The following ACSM3 variants were observed in gnomAD, a reference collection of about 807,000 sequenced individuals.
ACSM3 encodes the protein acyl-coenzyme A synthetase ACSM3, mitochondrial.
ACSM3 carries 61 observed loss-of-function variants against 74.1 expected under a neutral mutation model. That is an observed-to-expected ratio of 0.82 (90% CI 0.67 to 1.02). ACSM3 has a LOEUF of 1.02. Ranked by LOEUF, ACSM3 falls within the 50% of genes least tolerant of loss-of-function variation. The probability of loss-of-function intolerance (pLI) is 0.00; values close to 1 mark genes in which losing one functional copy is unlikely to be tolerated. For synonymous variants in ACSM3, 213 were observed against 241.5 expected (o/e 0.88, Z 1.09); for missense variants, 660 against 697.0 (o/e 0.95, Z 0.60).
intron 1 of ACSM3, among the ~76,000 whole-genome samples, chr16:20,694,778 A>T (rs1422396455): frequency 6.6e-6 from 1 of 152,176 alleles, no homozygotes; most frequent in African/African-American, 2.4e-5. Flanking sequence ...GTATTTGGAG[A>T]TTGGGTCTTT....
chr16:20,796,323 T>C lies in ACSM3; in HGVS notation c.1555-47T>C, dbSNP rs1350227086. ...CAAGCAAACAAGACATACTAAAACA[T>C]ACAAATGCATAACTCATTTTCCTGG... On this transcript the variant is annotated intron_variant, in intron 12 of 13. Transcript: ENST00000289416. 7 of 1,595,170 alleles carry C rather than the reference T, an allele frequency of 4.4e-6. No individual in the cohort carries two copies. In the African/African-American group the frequency reaches 8.2e-5, roughly 19 times the overall value.
At chr16:20,753,069 TATAG>T (rs952443154) in intron 2 of ACSM3, among the ~76,000 whole-genome samples, 6 of 152,008 alleles carry the variant, frequency 3.9e-5, no homozygotes, top group Non-Finnish European at 8.8e-5. Flanking sequence ...AGATGGAATT[TATAG>T]ATTAAAAACT....
At chr16:20,708,453 A>T (rs2079733952) in intron 1 of ACSM3, among the ~76,000 whole-genome samples, 1 of 152,238 alleles carries the variant, frequency 6.6e-6, no homozygotes, top group South Asian at 2.1e-4. Flanking sequence ...CACAAAACCA[A>T]CGTACAAAAA....
intron 2 of ACSM3, among the ~76,000 whole-genome samples, chr16:20,771,726 A>G (rs938109331): frequency 6.6e-6 from 1 of 152,150 alleles, no homozygotes; most frequent in Admixed American, 6.5e-5. Flanking sequence ...CAATAGACTG[A>G]TTTCCTTTCC....
At chr16:20,704,915 T>C (rs1425977180) in intron 1 of ACSM3, among the ~76,000 whole-genome samples, 1 of 152,194 alleles carries the variant, frequency 6.6e-6, no homozygotes, top group Non-Finnish European at 1.5e-5. Context: ...TGAGTATTGG[T>C]GGCACAGATA....
intron 1 of ACSM3, chr16:20,734,935 G>A (rs2152413753): frequency 6.6e-6 from 1 of 152,282 alleles, no homozygotes; most frequent in African/African-American, 2.4e-5. Flanking sequence ...ACTAGTGCTG[G>A]GAAAAGGAGA....
intron 1 of ACSM3, among the ~76,000 whole-genome samples, chr16:20,706,691 A>G (rs1279012408): frequency 6.6e-6 from 1 of 152,098 alleles, no homozygotes; most frequent in Non-Finnish European, 1.5e-5. Context: ...TGCTACCAAA[A>G]CCATCTGCCT....
At chr16:20,782,644 A>G (rs529478839) in intron 7 of ACSM3, among the ~76,000 whole-genome samples, 2 of 152,290 alleles carry the variant, frequency 1.3e-5, no homozygotes, top group African/African-American at 2.4e-5. Flanking sequence ...TTAATGACTC[A>G]GTCCCACAAG....
In ACSM3 at chr16:20,780,969, C is replaced by T; in HGVS notation, c.783-5C>T. The T allele has an allele frequency of 6.2e-7, 1 of 1,614,024 alleles. No homozygotes were observed. Among genetic ancestry groups the T allele is most frequent in the Middle Eastern group, 1.7e-4 (1 of 6,056 alleles). On this transcript the variant is annotated splice_region_variant and splice_polypyrimidine_tract_variant and intron_variant, in intron 5 of 13. Coordinates refer to ENST00000289416, the MANE Select transcript of ACSM3 (RefSeq NM_005622.4). ...GTACATCAGGGCTACTCTTTGTTTT[C>T]CCAGGTTCTGGCTAGATTTGACACC...
chr16:20,793,550 A>G (rs1202024100), intron 12 of ACSM3, among the ~76,000 whole-genome samples: 1 of 152,054 alleles, frequency 6.6e-6, no homozygotes, highest in East Asian at 1.9e-4. Context: ...ATCTCCCCCC[A>G]GGACTGATTC....
chr16:20,720,493 C>T (rs1270144169), intron 1 of ACSM3, among the ~76,000 whole-genome samples: 3 of 152,210 alleles, frequency 2.0e-5, no homozygotes, highest in Non-Finnish European at 2.9e-5. Context: ...TGGAGAGTGG[C>T]TGTAAATACA....
chr16:20,718,420 G>T, intron 1 of ACSM3: 1 of 759,850 alleles, frequency 1.3e-6, no homozygotes. Context: ...TTTCACCAGT[G>T]GGACGACAGG....
chr16:20,781,841 T>C (rs1408119684), intron 7 of ACSM3, 54 bp downstream of exon 7: 5 of 1,375,648 alleles, frequency 3.6e-6, no homozygotes, highest in Non-Finnish European at 4.1e-6. Context: ...AAGAGGAAGC[T>C]ATAAAATAAA....
intron 1 of ACSM3, chr16:20,738,992 C>G: frequency 6.2e-7 from 1 of 1,614,194 alleles, no homozygotes; most frequent in Non-Finnish European, 8.5e-7. Flanking sequence ...CTTAATGTCA[C>G]CAACTTCTTT....
rs757135564 is a variant in ACSM3 at position 20,781,115 on chromosome 16, G to T, written c.924G>T (p.Pro308=). The change falls in exon 6 of 14, where the codon CCG becomes CCT. Residue 308 remains proline, a synonymous_variant. Transcript: ENST00000289416. The stretch of plus-strand genomic sequence containing the variant: ...CACACCATTTACCCCGTTTTGAGCC[G>T]ACTTCTATCTTGCAAGTAAGCCAAA... The part of the protein sequence containing the change: ...VFTHHLPRFE[P]TSILQTLSKY... 1.2e-6 allele frequency: 2 copies of T among 1,613,852 alleles called. No individual in the cohort carries two copies. Among genetic ancestry groups the T allele is most frequent in the South Asian group, 1.1e-5 (1 of 90,996 alleles).
rs751043642 is a variant in ACSM3, at chr16:20,790,940, G to A, written c.1326+252G>A. The A allele has an allele frequency of 2.3e-5, 37 of 1,613,496 alleles. No homozygotes were observed. Among genetic ancestry groups the A allele is most frequent in the Non-Finnish European group, 2.8e-5 (33 of 1,179,770 alleles). ...AGGCAAGAGGAAGGGACCCTAGAAAGAGGACAGCCTCTTAACATCCCCTGA... is the reference window on the plus strand; with the variant it reads ...AGGCAAGAGGAAGGGACCCTAGAAAAAGGACAGCCTCTTAACATCCCCTGA... On this transcript the variant is annotated intron_variant, in intron 10 of 13. Coordinates refer to ENST00000289416, the MANE Select transcript of ACSM3 (RefSeq NM_005622.4). The surrounding 1 kb of genome is among the most constrained non-coding windows in gnomAD (Gnocchi z 4.0).
chr16:20,792,808 G>A (rs2080631442), intron 12 of ACSM3: 2 of 673,784 alleles, frequency 3.0e-6, no homozygotes, highest in African/African-American at 3.9e-5. Flanking sequence ...AATAAGTAGA[G>A]ATTTCAGGAA....
At chr16:20,782,219 CTTTGTTTTGTTTTTGTTTTTGT>C (rs2080367451) in intron 7 of ACSM3, among the ~76,000 whole-genome samples, 1 of 152,060 alleles carries the variant, frequency 6.6e-6, no homozygotes, top group Admixed American at 6.6e-5. Context: ...CCCCGTTTCT[CTTTGTTTTGTTTTTGTTTTTGT>C]TTTGTTTTGT....
intron 1 of ACSM3, among the ~76,000 whole-genome samples, chr16:20,718,014 GAAGAAGAAGAA>G (rs1567323310): frequency 1.8e-3 from 264 of 146,392 alleles, no homozygotes; most frequent in African/African-American, 6.1e-3. Flanking sequence ...AGAAGAAGAA[GAAGAAGAAGAA>G]GAAAAGAAAG....
Sources: allele counts gnomAD v4.1 joint callset (sites outside exome capture counted in the v4.1 genomes callset), GRCh38; gene constraint gnomAD v4.1.1; non-coding constraint Gnocchi (gnomAD v3.1); transcripts MANE v1.5; gene names NCBI Gene and HGNC (gene_info 2026-07-23, HGNC 2026-07-21).